AK5: variants seen among roughly 807,000 people sequenced by gnomAD.
AK5 encodes the protein adenylate kinase isoenzyme 5.
In AK5, 27 loss-of-function variants were observed where a neutral mutation model predicts 69.5. The ratio of observed to expected loss-of-function variants is 0.39; its 90% CI spans 0.29 to 0.54. AK5 has a LOEUF of 0.54. Among genes scored for constraint, AK5 ranks in the 20% least tolerant of loss-of-function variants. AK5 has a pLI of 0.71. For synonymous variants in AK5, 260 were observed against 244.4 expected, an observed-to-expected ratio of 1.06 and a Z score of -0.60; for missense variants, 531 against 700.4, an observed-to-expected ratio of 0.76 and a Z score of 2.73.
At chr1:77,444,373 A>G (rs1652579146) in intron 8 of AK5, among the ~76,000 whole-genome samples, 1 of 37,298 alleles carries the variant, frequency 2.7e-5, no homozygotes. Flanking sequence ...GTATAAATAT[A>G]TACTATATAT....
chr1:77,398,378 A>G (rs1455119489), intron 6 of AK5, among the ~76,000 whole-genome samples: 1 of 152,128 alleles, frequency 6.6e-6, no homozygotes, highest in Non-Finnish European at 1.5e-5. Flanking sequence ...AGAGGTACCA[A>G]TGTCACATGA....
chr1:77,365,501 C>G (rs7546963), intron 6 of AK5, among the ~76,000 whole-genome samples: 22,142 of 152,164 alleles, frequency 0.15, 1,816 homozygotes, highest in African/African-American at 0.21. Flanking sequence ...ACCTCTTTGG[C>G]ACAAGGGACC....
At chr1:77,418,253 G>A (rs1419819779) in intron 8 of AK5, among the ~76,000 whole-genome samples, 1 of 152,172 alleles carries the variant, frequency 6.6e-6, no homozygotes, top group African/African-American at 2.4e-5. Context: ...GATGGCAGCA[G>A]GCAAAGGGAG....
At chr1:77,442,901 T>C (rs187045165) in intron 8 of AK5, among the ~76,000 whole-genome samples, 2 of 152,254 alleles carry the variant, frequency 1.3e-5, no homozygotes, top group Non-Finnish European at 2.9e-5. Flanking sequence ...ATGGCCTTTG[T>C]GTAAAATTGT....
chr1:77,292,913 A>G (rs938202011), intron 2 of AK5, among the ~76,000 whole-genome samples: 1 of 152,184 alleles, frequency 6.6e-6, no homozygotes, highest in Non-Finnish European at 1.5e-5. Context: ...CAGCTATAAG[A>G]TATAAACATA....
chr1:77,374,418 CTT>C (rs34141642), intron 6 of AK5, among the ~76,000 whole-genome samples: 138 of 138,744 alleles, frequency 9.9e-4, no homozygotes, highest in South Asian at 9.3e-4. Context: ...TGAGGTAATG[CTT>C]TTTTTTTTTT....
chr1:77,383,674 A>G (rs966879996), intron 6 of AK5, among the ~76,000 whole-genome samples: 1 of 152,224 alleles, frequency 6.6e-6, no homozygotes, highest in African/African-American at 2.4e-5. Flanking sequence ...AAGAACCGTC[A>G]AAGTTACTAC....
chr1:77,529,529 T>C (rs372427890), intron 12 of AK5, among the ~76,000 whole-genome samples: 3 of 152,154 alleles, frequency 2.0e-5, no homozygotes, highest in East Asian at 3.9e-4. Flanking sequence ...TTCACCATGT[T>C]GGTCAGGCTA....
intron 6 of AK5, among the ~76,000 whole-genome samples, chr1:77,387,636 A>G (rs1207491918): frequency 6.6e-6 from 1 of 152,190 alleles, no homozygotes. Flanking sequence ...AACCCCAATC[A>G]TACTCCCAGG....
intron 8 of AK5, among the ~76,000 whole-genome samples, chr1:77,462,299 GGATA>G (rs777183689): frequency 1.8e-5 from 2 of 112,330 alleles, no homozygotes; most frequent in South Asian, 2.5e-4. Context: ...AATATTTGTT[GGATA>G]GATGGATGGA....
chr1:77,301,734 A>G (rs544245118), intron 5 of AK5, among the ~76,000 whole-genome samples: 2 of 152,184 alleles, frequency 1.3e-5, no homozygotes, highest in Non-Finnish European at 2.9e-5. Context: ...TACCACTAAT[A>G]AAGAGTGGAG....
chr1:77,558,471 G>A, intron 13 of AK5, 131 bp from the exon 14 acceptor site: 2 of 523,800 alleles, frequency 3.8e-6, no homozygotes, highest in Non-Finnish European at 6.8e-6. Context: ...TTTTTTCTCT[G>A]TGTTTTGGGG....
chr1:77,420,000 C>T (rs1166455539), intron 8 of AK5, among the ~76,000 whole-genome samples: 1 of 151,962 alleles, frequency 6.6e-6, no homozygotes, highest in African/African-American at 2.4e-5. Flanking sequence ...TGTTTAGGCA[C>T]TTAGAATATA....
chr1:77,486,981 C>G (rs562660149), intron 10 of AK5, among the ~76,000 whole-genome samples: 2 of 152,304 alleles, frequency 1.3e-5, no homozygotes, highest in African/African-American at 2.4e-5. Flanking sequence ...CACTGACCCC[C>G]TCCTTCCTAA....
chr1:77,483,717 A>G (rs948787854), intron 9 of AK5, among the ~76,000 whole-genome samples: 1 of 152,252 alleles, frequency 6.6e-6, no homozygotes, highest in Non-Finnish European at 1.5e-5. Flanking sequence ...CCTGCAGTAA[A>G]AAGAGTTGTT....
At chr1:77,535,520 G>A (rs892663582) in intron 12 of AK5, among the ~76,000 whole-genome samples, 1 of 152,166 alleles carries the variant, frequency 6.6e-6, no homozygotes, top group African/African-American at 2.4e-5. Context: ...TCACATTAGA[G>A]GAAACACCCC....
chr1:77,443,607 C>T (rs1570138111), intron 8 of AK5, among the ~76,000 whole-genome samples: 1 of 149,552 alleles, frequency 6.7e-6, no homozygotes, highest in African/African-American at 2.5e-5. Flanking sequence ...CTGTAGAGAT[C>T]CAAATAGATT....
chr1:77,417,400 T>C (rs1217386103), intron 7 of AK5, among the ~76,000 whole-genome samples: 1 of 152,172 alleles, frequency 6.6e-6, no homozygotes, highest in African/African-American at 2.4e-5. Flanking sequence ...ATAATAACTC[T>C]TGTTGACAAA....
intron 8 of AK5, among the ~76,000 whole-genome samples, chr1:77,465,154 T>C (rs1654065814): frequency 6.6e-6 from 1 of 152,126 alleles, no homozygotes; most frequent in Non-Finnish European, 1.5e-5. Context: ...CTTCCTGGGA[T>C]ATAGTTTTCT....
Sources: gnomAD v4.1 joint callset for allele counts (sites outside exome capture counted in the v4.1 genomes callset) on GRCh38, gnomAD v4.1.1 for gene constraint, MANE v1.5 for transcripts, NCBI Gene and HGNC (gene_info 2026-07-23, HGNC 2026-07-21) for gene names.